The following CRTAC1 variants were observed in gnomAD, a reference collection of about 807,000 sequenced individuals.
The protein encoded by CRTAC1 is acidic secreted protein in cartilage.
In CRTAC1, 37 loss-of-function variants were observed where a neutral mutation model predicts 67.8. That is an observed-to-expected ratio of 0.55 (90% CI 0.42 to 0.72). The LOEUF (loss-of-function observed/expected upper bound fraction) is 0.72, where lower values mean the gene tolerates loss of function less well. CRTAC1 is among the 30% of genes least tolerant of loss of function. The pLI is 0.00. For missense variants in CRTAC1, 780 were observed against 931.6 expected (o/e 0.84, Z 2.12); for synonymous variants, 348 against 371.0 (o/e 0.94, Z 0.71).
chr10:97,865,727 G>A lies in CRTAC1; in HGVS notation c.1820-13C>T, dbSNP rs567071631. The A allele has an allele frequency of 1.9e-6, 3 of 1,560,776 alleles. No individual in the cohort carries two copies. Among genetic ancestry groups the A allele is most frequent in the Admixed American group, 1.7e-5 (1 of 57,326 alleles). ...TGGCCGAGAGTCCCTGTAGGGAGGTGTATGGCCGGAGTGAGGGCCTTGCAG... is the reference window on the plus strand; with the variant it reads ...TGGCCGAGAGTCCCTGTAGGGAGGTATATGGCCGGAGTGAGGGCCTTGCAG... On this transcript the variant is annotated splice_polypyrimidine_tract_variant and intron_variant, in intron 14 of 14. Transcript: ENST00000370597.
intron 2 of CRTAC1, among the ~76,000 whole-genome samples, chr10:97,954,341 T>C (rs889573587): frequency 5.3e-5 from 8 of 152,102 alleles, no homozygotes; most frequent in African/African-American, 1.9e-4. Context: ...GTCCGCACCA[T>C]CATTAGACTC....
intron 3 of CRTAC1, among the ~76,000 whole-genome samples, chr10:97,925,874 T>C (rs2136600362): frequency 6.6e-6 from 1 of 152,210 alleles, no homozygotes; most frequent in Admixed American, 6.5e-5. Context: ...AGTGACCCCT[T>C]GACCCCTCAG....
chr10:97,935,992 C>T (rs1013356231), intron 3 of CRTAC1, among the ~76,000 whole-genome samples, 178 bp downstream of exon 3: 2 of 152,094 alleles, frequency 1.3e-5, no homozygotes, highest in African/African-American at 2.4e-5. Flanking sequence ...CAGGCTCACA[C>T]GCAAGAGAAG....
At chr10:97,872,249 G>A (rs1157487007) in intron 14 of CRTAC1, among the ~76,000 whole-genome samples, 1 of 152,050 alleles carries the variant, frequency 6.6e-6, no homozygotes, top group Non-Finnish European at 1.5e-5. Context: ...AGACCCCTAG[G>A]GCAAGGTGCC....
chr10:97,899,672 A>C (rs1346853951), intron 8 of CRTAC1, among the ~76,000 whole-genome samples: 1 of 152,240 alleles, frequency 6.6e-6, no homozygotes, highest in Non-Finnish European at 1.5e-5. Context: ...ACATCCAGTC[A>C]GGATTGATGC....
intron 3 of CRTAC1, among the ~76,000 whole-genome samples, chr10:97,924,536 C>T (rs575324836): frequency 6.6e-6 from 1 of 152,116 alleles, no homozygotes; most frequent in Non-Finnish European, 1.5e-5. Context: ...GATCTGGAGC[C>T]CCAGTGTTGG....
At chr10:97,957,351 G>A in intron 2 of CRTAC1, among the ~76,000 whole-genome samples, 1 of 152,152 alleles carries the variant, frequency 6.6e-6, no homozygotes, top group East Asian at 1.9e-4. Context: ...GAGGAGGTGG[G>A]CCGGGGACAG....
At chr10:98,002,743 A>C (rs1412694148) in intron 2 of CRTAC1, among the ~76,000 whole-genome samples, 3 of 124,144 alleles carry the variant, frequency 2.4e-5, no homozygotes, top group Admixed American at 8.2e-5. Context: ...TGCTTTTAGG[A>C]ATTCTTTACA....
chr10:97,889,664 A>G (rs933355919), intron 11 of CRTAC1, among the ~76,000 whole-genome samples: 2 of 152,062 alleles, frequency 1.3e-5, no homozygotes, highest in Non-Finnish European at 2.9e-5. Context: ...GGCAAGGCTG[A>G]GGCTGTCTGA....
At chr10:97,877,593 C>T (rs984241031) in intron 14 of CRTAC1, among the ~76,000 whole-genome samples, 41 of 152,236 alleles carry the variant, frequency 2.7e-4, no homozygotes, top group African/African-American at 9.6e-4. Context: ...CGCCTAGAGC[C>T]TAACCAAATA....
chr10:97,937,860 C>G (rs1055915379), intron 2 of CRTAC1, among the ~76,000 whole-genome samples: 1 of 152,210 alleles, frequency 6.6e-6, no homozygotes, highest in Non-Finnish European at 1.5e-5. Flanking sequence ...GTGTTTCAGC[C>G]TGAATGTGCA....
intron 2 of CRTAC1, among the ~76,000 whole-genome samples, chr10:97,938,960 C>G (rs2051130653): frequency 6.6e-6 from 1 of 152,188 alleles, no homozygotes; most frequent in Non-Finnish European, 1.5e-5. Context: ...ACAAGGGATT[C>G]CAGAGCCAGA....
intron 5 of CRTAC1, among the ~76,000 whole-genome samples, chr10:97,913,000 C>T (rs532384619): frequency 6.6e-6 from 1 of 152,208 alleles, no homozygotes; most frequent in African/African-American, 2.4e-5. Flanking sequence ...TCTGCTGAGA[C>T]CTTAATAGAA....
At position 97,942,262 on chromosome 10, in the gene CRTAC1, T is replaced by A. The variant is rs1019717809; in HGVS notation, c.225-5896A>T. ...TTTGTTCACTCCTGTCTCTCCATCA[T>A]CCAGCCCATAGTGAGCTCTTAATAA... On this transcript the variant is annotated intron_variant, in intron 2 of 14. Transcript: ENST00000370597. Among the ~76,000 whole-genome samples, 49 of 152,328 alleles carry A rather than the reference T, an allele frequency of 3.2e-4. 2 individuals carry two copies. Among genetic ancestry groups the A allele is most frequent in the African/African-American group, 1.2e-3 (49 of 41,564 alleles).
chr10:97,895,494 G>A lies in CRTAC1; in HGVS notation c.1318-81C>T. The A allele has an allele frequency of 6.3e-6, 8 of 1,266,510 alleles. No individual in the cohort carries two copies. Among genetic ancestry groups the A allele is most frequent in the Admixed American group, 4.6e-5 (2 of 43,326 alleles). The allele number at this position is 1,266,510 out of a possible 1,614,324, so 78.5% of individuals were successfully genotyped here. A position where few individuals can be genotyped will look rare whatever the true frequency, so the allele number is the denominator to read the frequency against. ...GAGCAGGGAGCCAGGGAGGACGGGA[G>A]GGGGAGAGGGAGAAGAAGGAGGAAG... On this transcript the variant is annotated intron_variant, in intron 10 of 14. Transcript: ENST00000370597. This position sits in a 1 kb window ranked among gnomAD's most constrained non-coding sequence, Gnocchi z 4.2.
chr10:97,879,602 G>C, intron 14 of CRTAC1: 1 of 1,492,574 alleles, frequency 6.7e-7, no homozygotes, highest in Admixed American at 2.3e-5. Context: ...GGCGTGGAGA[G>C]AGAGACAAGC....
chr10:97,865,820 GGGT>G, intron 14 of CRTAC1, 106 bp from the exon 15 acceptor site: 1 of 1,273,354 alleles, frequency 7.9e-7, no homozygotes, highest in Non-Finnish European at 1.0e-6. Flanking sequence ...CTGCTGCCCG[GGGT>G]GGGAGGGAGG....
At chr10:98,022,058 A>T (rs1843134123) in intron 1 of CRTAC1, among the ~76,000 whole-genome samples, 1 of 152,176 alleles carries the variant, frequency 6.6e-6, no homozygotes. Context: ...CTCAGAGTAG[A>T]AACAGGTACA....
intron 2 of CRTAC1, among the ~76,000 whole-genome samples, chr10:97,962,159 C>T (rs1227264518): frequency 1.3e-5 from 2 of 152,076 alleles, no homozygotes; most frequent in Admixed American, 6.6e-5. Context: ...TCTCAGGTCA[C>T]GAGGGTTGGG....
Sources: gnomAD v4.1 joint callset for allele counts (sites outside exome capture counted in the v4.1 genomes callset) on GRCh38, gnomAD v4.1.1 for gene constraint, Gnocchi (gnomAD v3.1) non-coding constraint, MANE v1.5 for transcripts, NCBI Gene and HGNC (gene_info 2026-07-23, HGNC 2026-07-21) for gene names.